LPXN: variants seen among roughly 807,000 people sequenced by gnomAD.
LPXN encodes leupaxin.
LPXN carries 28 observed loss-of-function variants against 45.6 expected under a neutral mutation model. The ratio of observed to expected loss-of-function variants is 0.61; its 90% CI spans 0.45 to 0.84. The LOEUF (loss-of-function observed/expected upper bound fraction) is 0.84. LPXN is among the 40% of genes least tolerant of loss of function. LPXN has a pLI of 0.00. For missense variants in LPXN, 459 were observed against 475.0 expected (o/e 0.97, Z 0.31); for synonymous variants, 166 against 169.9 (o/e 0.98, Z 0.18).
intron 3 of LPXN, among the ~76,000 whole-genome samples, chr11:58,562,023 G>T (rs1854392617): frequency 6.6e-6 from 1 of 152,166 alleles, no homozygotes. Flanking sequence ...AGAGATTTCA[G>T]TAACACATAT....
At position 58,554,798 on chromosome 11, in the gene LPXN, ACTGCACTCACCTTGGC is replaced by A; in HGVS notation, c.318+27_318+42del. ...CCCATGGGCCCTGTTTATCATCTGG[ACTGCACTCACCTTGGC>A]CTGCACTCACCTTGGCCTGCACTCA... On this transcript the variant is annotated intron_variant, in intron 4 of 8. Coordinates refer to ENST00000395074, the MANE Select transcript of LPXN (RefSeq NM_004811.3). 5.8e-3 allele frequency: 8,792 copies of A among 1,512,884 alleles called. 42 individuals carry two copies. Among genetic ancestry groups the A allele is most frequent in the Non-Finnish European group, 7.1e-3 (7,758 of 1,099,662 alleles). The allele number at this position is 1,512,884 out of a possible 1,614,324, so 93.7% of individuals were successfully genotyped here.
chr11:58,529,680 G>C (rs1489780208), intron 7 of LPXN, among the ~76,000 whole-genome samples: 2 of 150,370 alleles, frequency 1.3e-5, no homozygotes, highest in African/African-American at 2.4e-5. Context: ...TCAAATTGAA[G>C]AAAATTAACT....
At chr11:58,528,289 T>C in intron 7 of LPXN, 98 bp from the exon 8 acceptor site, 2 of 1,088,740 alleles carry the variant, frequency 1.8e-6, no homozygotes, top group Non-Finnish European at 2.7e-6. Flanking sequence ...TGTCCTCATA[T>C]TCAAAATAGG....
chr11:58,578,351 T>G (rs1854975963), upstream of LPXN: 1 of 230,812 alleles, frequency 4.3e-6, no homozygotes, highest in African/African-American at 2.3e-5. Context: ...CCACCTCTGG[T>G]TTCCCATCTA....
upstream of LPXN, among the ~76,000 whole-genome samples, chr11:58,577,209 T>C (rs1854920324): frequency 6.6e-6 from 1 of 152,144 alleles, no homozygotes. Flanking sequence ...ATGTCAGCAC[T>C]GTTCCTTCCA....
intron 3 of LPXN, among the ~76,000 whole-genome samples, chr11:58,555,654 T>A (rs1409036449): frequency 6.6e-6 from 1 of 151,800 alleles, no homozygotes; most frequent in Non-Finnish European, 1.5e-5. Context: ...AACTATCCAC[T>A]TAAGAAAAAA....
In LPXN at chr11:58,575,799, T is replaced by C; in HGVS notation, c.-27A>G. The stretch of plus-strand genomic sequence containing the variant: ...GTCCTACATCCAAGATGCTCTTGTC[T>C]CACAGGCCGTGAGGAACAGCTTTGG... On this transcript the variant is annotated 5_prime_UTR_variant, in exon 1 of 9. Transcript: ENST00000395074. 1 of 1,614,164 alleles carries C rather than the reference T, an allele frequency of 6.2e-7. No homozygotes were observed. The highest frequency in any genetic ancestry group is 1.3e-5 in the African/African-American group (1 of 75,042).
At chr11:58,544,801 AGCACCT>A (rs1391079992) in intron 7 of LPXN, among the ~76,000 whole-genome samples, 1 of 152,166 alleles carries the variant, frequency 6.6e-6, no homozygotes, top group African/African-American at 2.4e-5. Flanking sequence ...GAAATTAGGG[AGCACCT>A]GCATGACCTG....
Sources: gnomAD v4.1 joint callset for allele counts (sites outside exome capture counted in the v4.1 genomes callset) on GRCh38, gnomAD v4.1.1 for gene constraint, MANE v1.5 for transcripts, NCBI Gene and HGNC (gene_info 2026-07-23, HGNC 2026-07-21) for gene names.